The following PTBP3 variants were observed in gnomAD, a reference collection of about 807,000 sequenced individuals.
The protein encoded by PTBP3 is polypyrimidine tract-binding protein 3.
In PTBP3, 20 loss-of-function variants were observed where a neutral mutation model predicts 58.7. The observed-to-expected ratio is 0.34, with a 90% CI of 0.24 to 0.50. PTBP3 has a LOEUF of 0.50. PTBP3 is among the 20% of genes least tolerant of loss of function. The pLI, the probability that PTBP3 is intolerant of heterozygous loss-of-function variation, is 0.98. For missense variants in PTBP3, 509 were observed against 637.2 expected, an observed-to-expected ratio of 0.80 and a Z score of 2.17; for synonymous variants, 185 against 219.8, an observed-to-expected ratio of 0.84 and a Z score of 1.40.
chr9:112,331,196 ACT>A (rs1830360625), intron 1 of PTBP3, among the ~76,000 whole-genome samples: 3 of 151,360 alleles, frequency 2.0e-5, no homozygotes, highest in Admixed American at 1.3e-4. Flanking sequence ...TTGTTTTTTA[ACT>A]ACCCAAATAA....
the PTBP3 span, among the ~76,000 whole-genome samples, chr9:112,352,720 C>T: frequency 6.6e-6 from 1 of 152,136 alleles, no homozygotes; most frequent in Non-Finnish European, 1.5e-5. Flanking sequence ...TTTGTCAAAT[C>T]TCACCGCTTT....
intron 2 of PTBP3, among the ~76,000 whole-genome samples, chr9:112,296,602 T>A (rs1334612379): frequency 6.6e-6 from 1 of 152,130 alleles, no homozygotes; most frequent in Non-Finnish European, 1.5e-5. Context: ...ACTCTCCATG[T>A]CCATGGCTTC....
At chr9:112,328,933 G>A (rs1035158394) in intron 1 of PTBP3, among the ~76,000 whole-genome samples, 2 of 152,192 alleles carry the variant, frequency 1.3e-5, no homozygotes, top group Admixed American at 6.5e-5. Context: ...TCTATAATGT[G>A]TAAGACACAT....
At chr9:112,347,866 T>G in the PTBP3 span, among the ~76,000 whole-genome samples, 26 of 152,152 alleles carry the variant, frequency 1.7e-4, no homozygotes, top group Non-Finnish European at 2.8e-4. Context: ...CTTTAGCTGG[T>G]TGTTGGTTTC....
chr9:112,247,824 A>G (rs1160051270), intron 7 of PTBP3, among the ~76,000 whole-genome samples: 1 of 152,184 alleles, frequency 6.6e-6, no homozygotes, highest in African/African-American at 2.4e-5. Context: ...CACAATGATT[A>G]ATTTAGACAT....
chr9:112,330,637 G>C (rs1487427446), intron 1 of PTBP3, among the ~76,000 whole-genome samples: 1 of 152,134 alleles, frequency 6.6e-6, no homozygotes, highest in Non-Finnish European at 1.5e-5. Context: ...AAAATGATGA[G>C]ACAGTCTAGC....
chr9:112,268,030 A>G lies in PTBP3; in HGVS notation c.351+19T>C. ...CATGTGTTCCCATACCTATTTTTAA[A>G]AACATCTTTAATACTTACAGCTTGA... On this transcript the variant is annotated intron_variant, in intron 4 of 13. Transcript: ENST00000374257. The G allele has an allele frequency of 6.3e-7, 1 of 1,592,154 alleles. No homozygotes were observed. Among genetic ancestry groups the G allele is most frequent in the African/African-American group, 1.4e-5 (1 of 73,924 alleles).
At chr9:112,357,361 G>T in the PTBP3 span, among the ~76,000 whole-genome samples, 2 of 151,898 alleles carry the variant, frequency 1.3e-5, no homozygotes, top group African/African-American at 4.8e-5. Context: ...TTGTTTGTTT[G>T]TTTTTTCTGA....
intron 2 of PTBP3, among the ~76,000 whole-genome samples, chr9:112,294,869 CA>C (rs1828599465): frequency 6.6e-6 from 1 of 151,656 alleles, no homozygotes; most frequent in Admixed American, 6.6e-5. Context: ...AAAATGAAAA[CA>C]GGAAAAAAAA....
intron 2 of PTBP3, among the ~76,000 whole-genome samples, chr9:112,295,381 C>A: frequency 6.7e-6 from 1 of 149,006 alleles, no homozygotes. Context: ...CCATCATTAT[C>A]TAAGAAGCTG....
At chr9:112,246,139 C>T (rs1185688061) in intron 7 of PTBP3, among the ~76,000 whole-genome samples, 3 of 151,768 alleles carry the variant, frequency 2.0e-5, no homozygotes, top group African/African-American at 7.3e-5. Flanking sequence ...CGTGCCACCA[C>T]GCCTAGCTAA....
intron 1 of PTBP3, among the ~76,000 whole-genome samples, chr9:112,322,541 A>C (rs1829999044): frequency 6.6e-6 from 1 of 152,224 alleles, no homozygotes; most frequent in Non-Finnish European, 1.5e-5. Context: ...GAGGGGCCAA[A>C]AACAAGGACA....
chr9:112,277,694 C>CA (rs1027511054), intron 2 of PTBP3, among the ~76,000 whole-genome samples: 6 of 151,084 alleles, frequency 4.0e-5, no homozygotes, highest in Admixed American at 1.3e-4. Context: ...CCATCTCTAC[C>CA]AAAAAAAACC....
chr9:112,372,134 G>A, the PTBP3 span, among the ~76,000 whole-genome samples: 52 of 152,106 alleles, frequency 3.4e-4, no homozygotes, highest in African/African-American at 1.2e-3. Context: ...GTGTAGTGGT[G>A]CAATCATAAC....
At chr9:112,310,948 T>G (rs1042207715) in intron 1 of PTBP3, among the ~76,000 whole-genome samples, 4 of 152,220 alleles carry the variant, frequency 2.6e-5, no homozygotes, top group Admixed American at 1.3e-4. Flanking sequence ...GTAAAGAGAT[T>G]AGAGAGAAGG....
At chr9:112,322,061 G>A (rs1829972835) in intron 1 of PTBP3, among the ~76,000 whole-genome samples, 2 of 150,794 alleles carry the variant, frequency 1.3e-5, no homozygotes, top group East Asian at 2.0e-4. Flanking sequence ...CTTAAACCCA[G>A]GAGGTGGAGG....
chr9:112,255,683 A>T (rs2132097714), intron 5 of PTBP3, among the ~76,000 whole-genome samples: 1 of 152,158 alleles, frequency 6.6e-6, no homozygotes, highest in South Asian at 2.1e-4. Context: ...TATCTCTCAA[A>T]CCTCACTTCC....
intron 2 of PTBP3, among the ~76,000 whole-genome samples, chr9:112,291,903 C>T (rs548486395): frequency 3.3e-5 from 5 of 151,962 alleles, no homozygotes; most frequent in East Asian, 1.9e-4. Context: ...TGCACAGCAA[C>T]GGAAATAACA....
At chr9:112,281,051 T>C (rs1827842558) in intron 2 of PTBP3, 1 of 152,180 alleles carries the variant, frequency 6.6e-6, no homozygotes, top group Admixed American at 6.5e-5. Flanking sequence ...CAAGTACCTG[T>C]AGTCTCAGCT....
Sources: gnomAD v4.1 joint callset for allele counts (sites outside exome capture counted in the v4.1 genomes callset) on GRCh38, gnomAD v4.1.1 for gene constraint, MANE v1.5 for transcripts, NCBI Gene and HGNC (gene_info 2026-07-23, HGNC 2026-07-21) for gene names.